The following CALB2 variants were observed in gnomAD, a reference collection of about 807,000 sequenced individuals.
CALB2 encodes calbindin 2.
Under a neutral mutation model 45.9 loss-of-function variants are expected in CALB2, and 34 were observed. That is an observed-to-expected ratio of 0.74 (90% CI 0.56 to 0.99). The LOEUF is 0.99. Among genes scored for constraint, CALB2 ranks in the 50% least tolerant of loss-of-function variants. The pLI, the probability that CALB2 is intolerant of heterozygous loss-of-function variation, is 0.00. For missense variants in CALB2, 344 were observed against 339.3 expected (o/e 1.01, Z -0.11); for synonymous variants, 142 against 129.6 (o/e 1.10, Z -0.65).
intron 3 of CALB2, among the ~76,000 whole-genome samples, chr16:71,376,649 CCA>C (rs1175804868): frequency 2.0e-5 from 3 of 152,026 alleles, no homozygotes; most frequent in Non-Finnish European, 1.5e-5. Flanking sequence ...CCACATGTGC[CCA>C]CATACAGCCA....
intron 1 of CALB2, among the ~76,000 whole-genome samples, chr16:71,363,220 G>A (rs2042251618): frequency 1.3e-5 from 2 of 152,114 alleles, no homozygotes; most frequent in African/African-American, 2.4e-5. Context: ...AAAGATATAA[G>A]AAGAAAACAA....
intron 4 of CALB2, among the ~76,000 whole-genome samples, chr16:71,382,295 A>T (rs560590591): frequency 6.6e-6 from 1 of 152,310 alleles, no homozygotes; most frequent in East Asian, 1.9e-4. Flanking sequence ...CCCCTGCACC[A>T]CTGCCCCTCC....
chr16:71,374,614 T>A (rs1372117118), intron 2 of CALB2, 131 bp from the exon 3 acceptor site: 4 of 626,992 alleles, frequency 6.4e-6, no homozygotes, highest in Non-Finnish European at 1.2e-5. Flanking sequence ...CTCTGATCAA[T>A]CAGAGCATCA....
chr16:71,384,263 C>A (rs1044210229), intron 7 of CALB2, 76 bp from the exon 8 acceptor site: 18 of 1,240,286 alleles, frequency 1.5e-5, no homozygotes, highest in East Asian at 9.3e-5. Context: ...CTGCAGGCAC[C>A]GCCTCTGCCT....
At chr16:71,377,636 A>C (rs2042432696) in intron 3 of CALB2, 31 bp from the exon 4 acceptor site, 1 of 1,530,458 alleles carries the variant, frequency 6.5e-7, no homozygotes, top group Admixed American at 1.7e-5. Context: ...GTCCCTCCAT[A>C]ACGTTAGTGT....
rs557818660 is a variant in CALB2, at chr16:71,389,595, C to T, written c.700-154C>T. Reference sequence around the variant, plus strand: ...GAGGCTTTAACCTCCATCTGTCTGACTCCAAAATCCATGCTTTGCATTCAT... The same window carrying T: ...GAGGCTTTAACCTCCATCTGTCTGATTCCAAAATCCATGCTTTGCATTCAT... On this transcript the variant is annotated intron_variant, in intron 10 of 10. Coordinates refer to ENST00000302628, the MANE Select transcript of CALB2 (RefSeq NM_001740.5). 116 of 760,158 alleles carry T rather than the reference C, an allele frequency of 1.5e-4. 1 individual carries two copies. The highest frequency in any genetic ancestry group is 1.5e-3 in the South Asian group (108 of 73,764). 47.1% of individuals were successfully genotyped at this position (760,158 alleles called of 1,614,324 possible).
intron 1 of CALB2, among the ~76,000 whole-genome samples, chr16:71,362,742 A>G (rs1276544350): frequency 2.7e-5 from 4 of 147,978 alleles, no homozygotes; most frequent in Admixed American, 2.1e-4. Flanking sequence ...TTAGAAAAAT[A>G]CAACTGAATA....
intron 1 of CALB2, among the ~76,000 whole-genome samples, chr16:71,370,843 T>C (rs1454124004): frequency 6.6e-6 from 1 of 152,196 alleles, no homozygotes; most frequent in Non-Finnish European, 1.5e-5. Context: ...ATCACAGCAC[T>C]GACCAGTGAC....
intron 4 of CALB2, among the ~76,000 whole-genome samples, chr16:71,381,647 T>C (rs948182709): frequency 1.3e-5 from 2 of 152,018 alleles, no homozygotes; most frequent in Non-Finnish European, 2.9e-5. Flanking sequence ...GAAAATCAAG[T>C]GTTGCTGGTC....
intron 3 of CALB2, among the ~76,000 whole-genome samples, chr16:71,376,225 A>G (rs1196338271): frequency 6.6e-6 from 1 of 152,176 alleles, no homozygotes; most frequent in African/African-American, 2.4e-5. Flanking sequence ...TGGTATGTCA[A>G]TGAGTGGGTG....
chr16:71,376,516 C>T (rs975646872), intron 3 of CALB2, among the ~76,000 whole-genome samples: 8 of 152,132 alleles, frequency 5.3e-5, no homozygotes, highest in African/African-American at 1.4e-4. Flanking sequence ...TACCCACATA[C>T]ATCCACATAC....
At chr16:71,379,979 TG>T (rs1281226484) in intron 4 of CALB2, among the ~76,000 whole-genome samples, 1 of 152,188 alleles carries the variant, frequency 6.6e-6, no homozygotes, top group Non-Finnish European at 1.5e-5. Flanking sequence ...CTAGCCTGCC[TG>T]GGAGAAAAAA....
At position 71,385,596 on chromosome 16, in the gene CALB2, A is replaced by G; in HGVS notation, c.647A>G (p.Asp216Gly). 1 of 1,614,088 alleles carries G rather than the reference A, an allele frequency of 6.2e-7. No individual in the cohort carries two copies. The highest frequency in any genetic ancestry group is 2.2e-5 in the East Asian group (1 of 44,864). Reference protein sequence around the residue: ...FYDKDRSGYIDEHELDALLKD... With the variant: ...FYDKDRSGYIGEHELDALLKD... ...CCCCAGGATAGAAGCGGCTACATTG[A>G]CGAGCATGAGCTGGATGCCCTTTTG... The change falls in exon 10 of 11, where the codon GAC (aspartate) becomes GGC (glycine). Residue 216 changes from aspartate (D) to glycine (G), a missense_variant. By Grantham distance (94) the Asp-to-Gly change is moderately conservative. Around this residue, in one of 3 missense-constraint regions of CALB2, gnomAD observed 263 missense variants for 241.7 expected, o/e 1.09. Coordinates refer to ENST00000302628, the MANE Select transcript of CALB2 (RefSeq NM_001740.5).
At chr16:71,365,540 T>G (rs1027283341) in intron 1 of CALB2, among the ~76,000 whole-genome samples, 2 of 152,106 alleles carry the variant, frequency 1.3e-5, no homozygotes, top group African/African-American at 4.8e-5. Context: ...CGTCTCAGAT[T>G]TTAGCACACT....
At chr16:71,371,103 C>G (rs2042345776) in intron 1 of CALB2, among the ~76,000 whole-genome samples, 1 of 152,182 alleles carries the variant, frequency 6.6e-6, no homozygotes, top group Non-Finnish European at 1.5e-5. Flanking sequence ...CACACAAAAT[C>G]CTGTTTAATT....
chr16:71,374,935 G>A, intron 3 of CALB2, 101 bp downstream of exon 3: 1 of 772,106 alleles, frequency 1.3e-6, no homozygotes, highest in Non-Finnish European at 2.2e-6. Flanking sequence ...AGTGAGGTGG[G>A]GGCCTCAAAG....
intron 10 of CALB2, among the ~76,000 whole-genome samples, chr16:71,388,401 A>G (rs1019658600): frequency 1.1e-4 from 17 of 151,950 alleles, no homozygotes; most frequent in African/African-American, 4.1e-4. Context: ...AGAGTGGGGG[A>G]GAAGGAAAGA....
At chr16:71,386,876 T>C (rs1229886178) in intron 10 of CALB2, among the ~76,000 whole-genome samples, 2 of 152,230 alleles carry the variant, frequency 1.3e-5, no homozygotes, top group Non-Finnish European at 1.5e-5. Flanking sequence ...ATCTTTTTTA[T>C]TTAAATGTTA....
Position 71,389,927 on chromosome 16 carries a change from C to A in CALB2, c.*62C>A. 8.5e-7 allele frequency: 1 copy of A among 1,170,550 alleles called. No homozygotes were observed. The highest frequency in any genetic ancestry group is 1.3e-6 in the Non-Finnish European group (1 of 786,380). 72.5% of individuals were successfully genotyped at this position (1,170,550 alleles called of 1,614,324 possible). A position where few individuals can be genotyped will look rare whatever the true frequency, so the allele number is the denominator to read the frequency against. On this transcript the variant is annotated 3_prime_UTR_variant, in exon 11 of 11. Transcript: ENST00000302628. Reference sequence around the variant, plus strand: ...CCCTGCTTCTGCTGCCCTGATGCGTCTACCCAGACTCAGAGACCGTGAGCG... The same window carrying A: ...CCCTGCTTCTGCTGCCCTGATGCGTATACCCAGACTCAGAGACCGTGAGCG...
Sources: allele counts gnomAD v4.1 joint callset (sites outside exome capture counted in the v4.1 genomes callset), GRCh38; gene constraint gnomAD v4.1.1; regional missense constraint gnomAD v4.1.1; transcripts MANE v1.5; gene names NCBI Gene and HGNC (gene_info 2026-07-23, HGNC 2026-07-21).